The following GJC1 variants were observed in gnomAD, a reference collection of about 807,000 sequenced individuals.
GJC1 encodes gap junction gamma-1 protein.
In GJC1, 5 loss-of-function variants were observed where a neutral mutation model predicts 29.3. The ratio of observed to expected loss-of-function variants is 0.17; its 90% CI spans 0.09 to 0.36. The LOEUF is 0.36. Among genes scored for constraint, GJC1 ranks in the 10% least tolerant of loss-of-function variants. The pLI, the probability that GJC1 is intolerant of heterozygous loss-of-function variation, is 1.00. For missense variants in GJC1, 310 were observed against 496.2 expected (o/e 0.62, Z 3.56); for synonymous variants, 177 against 183.3 (o/e 0.97, Z 0.28).
At chr17:44,815,932 T>TA (rs1305430261) in intron 1 of GJC1, among the ~76,000 whole-genome samples, 1 of 151,572 alleles carries the variant, frequency 6.6e-6, no homozygotes, top group Non-Finnish European at 1.5e-5. Flanking sequence ...GCTAACAAGG[T>TA]GAAACCCCAT....
At chr17:44,797,327 C>T (rs919732715), downstream of GJC1, among the ~76,000 whole-genome samples, 2 of 152,176 alleles carry the variant, frequency 1.3e-5, no homozygotes, top group African/African-American at 4.8e-5. Context: ...AGAATGGACT[C>T]AATCTCCTGA....
At chr17:44,814,732 C>T (rs993089714) in intron 1 of GJC1, among the ~76,000 whole-genome samples, 3 of 152,088 alleles carry the variant, frequency 2.0e-5, no homozygotes, top group Non-Finnish European at 4.4e-5. Flanking sequence ...CACCTAAGGT[C>T]AGGAGTTCAA....
intron 1 of GJC1, among the ~76,000 whole-genome samples, chr17:44,808,335 C>T (rs1034792945): frequency 1.3e-5 from 2 of 151,872 alleles, no homozygotes; most frequent in African/African-American, 4.8e-5. Context: ...TAGTGAGACC[C>T]TATCTTTCCA....
chr17:44,817,695 A>T (rs139373719), intron 1 of GJC1, among the ~76,000 whole-genome samples: 1 of 151,958 alleles, frequency 6.6e-6, no homozygotes, highest in East Asian at 2.0e-4. Context: ...GGGCAACAAG[A>T]GTGAAACTCC....
rs1336504219 is a variant in GJC1 at position 44,799,292 on chromosome 17, G to A, written c.*5335C>T. On this transcript the variant is annotated 3_prime_UTR_variant, in exon 3 of 3. Coordinates refer to ENST00000592524, the MANE Select transcript of GJC1 (RefSeq NM_005497.4). ...GCGATCTCGGCTCACAGCAACCTCT[G>A]CCTTCCAGGTTCAAGGAAATCTCAT... The A allele has an allele frequency of 6.6e-6, 1 of 152,238 alleles. No individual in the cohort carries two copies. The highest frequency in any genetic ancestry group is 2.4e-5 in the African/African-American group (1 of 41,412). 9.4% of individuals were successfully genotyped at this position (152,238 alleles called of 1,614,324 possible). A position where few individuals can be genotyped will look rare whatever the true frequency, so the allele number is the denominator to read the frequency against.
chr17:44,812,864 G>A (rs1597748908), intron 1 of GJC1, among the ~76,000 whole-genome samples: 1 of 151,868 alleles, frequency 6.6e-6, no homozygotes, highest in East Asian at 1.9e-4. Flanking sequence ...AACCGGGATG[G>A]TCTCCATCTC....
At chr17:44,809,968 C>T (rs1668815740) in intron 1 of GJC1, among the ~76,000 whole-genome samples, 2 of 152,054 alleles carry the variant, frequency 1.3e-5, no homozygotes, top group Admixed American at 6.6e-5. Context: ...ACACCATTCT[C>T]CTGCCTCAGC....
chr17:44,813,583 C>A (rs2050009534), intron 1 of GJC1, among the ~76,000 whole-genome samples: 1 of 150,088 alleles, frequency 6.7e-6, no homozygotes, highest in Non-Finnish European at 1.5e-5. Flanking sequence ...GCCTCCATCT[C>A]CCGGGTTCAA....
At chr17:44,806,776 A>G (rs1404432290) in intron 2 of GJC1, among the ~76,000 whole-genome samples, 2 of 152,178 alleles carry the variant, frequency 1.3e-5, no homozygotes, top group Non-Finnish European at 2.9e-5. Flanking sequence ...AGGTATAGTT[A>G]TTCGGTCCAA....
At chr17:44,821,718 AAAAAAAAC>A (rs2050109506) in intron 1 of GJC1, among the ~76,000 whole-genome samples, 12 of 128,998 alleles carry the variant, frequency 9.3e-5, no homozygotes, top group South Asian at 5.0e-4. Context: ...AAAAAAAAAA[AAAAAAAAC>A]AACAAAAAAA....
intron 1 of GJC1, among the ~76,000 whole-genome samples, chr17:44,821,553 C>T (rs1057459697): frequency 6.6e-6 from 1 of 151,604 alleles, no homozygotes; most frequent in Admixed American, 6.6e-5. Flanking sequence ...ACAAAATTAG[C>T]GGGCGTGGTG....
downstream of GJC1, among the ~76,000 whole-genome samples, chr17:44,795,340 T>C (rs888623301): frequency 6.6e-6 from 1 of 150,844 alleles, no homozygotes; most frequent in African/African-American, 2.5e-5. Context: ...TTCAAACAAT[T>C]CTCTTGCCTC....
chr17:44,830,838 C>T, upstream of GJC1: 1 of 397,008 alleles, frequency 2.5e-6, no homozygotes, highest in Non-Finnish European at 4.4e-6. This position sits in a 1 kb window ranked among gnomAD's most constrained non-coding sequence, Gnocchi z 4.3. Flanking sequence ...AGGTCCTGAA[C>T]TTCTCGGATT....
chr17:44,795,406 G>A (rs2049777401), downstream of GJC1, among the ~76,000 whole-genome samples: 1 of 152,072 alleles, frequency 6.6e-6, no homozygotes, highest in African/African-American at 2.4e-5. Context: ...GCTAATTTTT[G>A]TATTTTTAGT....
At chr17:44,795,047 T>A (rs1287800876), downstream of GJC1, 1 of 152,174 alleles carries the variant, frequency 6.6e-6, no homozygotes, top group East Asian at 1.9e-4. Flanking sequence ...TGTCAGCAGC[T>A]CTTTTTCTGG....
downstream of GJC1, among the ~76,000 whole-genome samples, chr17:44,795,275 T>C (rs1432583601): frequency 6.6e-6 from 1 of 152,218 alleles, no homozygotes; most frequent in African/African-American, 2.4e-5. Flanking sequence ...TTACCCAGGC[T>C]GGAGTGCAGT....
chr17:44,806,740 G>T (rs2049918435), intron 2 of GJC1, among the ~76,000 whole-genome samples: 1 of 151,878 alleles, frequency 6.6e-6, no homozygotes, highest in Non-Finnish European at 1.5e-5. Context: ...TCAGAATTTT[G>T]TGAGATAGAA....
Position 44,805,718 on chromosome 17 carries a change from C to T in GJC1, c.100G>A (p.Val34Ile), listed in dbSNP as rs754085925. The T allele has an allele frequency of 4.3e-6, 7 of 1,613,832 alleles. No homozygotes were observed. The highest frequency in any genetic ancestry group is 5.1e-6 in the Non-Finnish European group (6 of 1,179,836). ...WLTVLIVFRI[V>I]LTAVGGESIY... ...GATTCTCCTCCTACAGCTGTAAGGA[C>T]GATCCGGAAGACAATCAGAACAGTG... The change falls in exon 3 of 3, where the codon GTC becomes ATC. Residue 34 changes from valine to isoleucine, a missense_variant. Around this residue, in one of 4 missense-constraint regions of GJC1, gnomAD observed 37 missense variants for 104.2 expected, o/e 0.35. Transcript: ENST00000592524. The surrounding 1 kb of genome is among the most constrained non-coding windows in gnomAD (Gnocchi z 5.1).
At chr17:44,813,649 C>T (rs1320147423) in intron 1 of GJC1, among the ~76,000 whole-genome samples, 1 of 151,910 alleles carries the variant, frequency 6.6e-6, no homozygotes, top group East Asian at 1.9e-4. Context: ...CACACCACCA[C>T]GCCCAACTAA....
Sources: allele counts gnomAD v4.1 joint callset (sites outside exome capture counted in the v4.1 genomes callset), GRCh38; gene constraint gnomAD v4.1.1; regional missense constraint gnomAD v4.1.1; non-coding constraint Gnocchi (gnomAD v3.1); transcripts MANE v1.5; gene names NCBI Gene and HGNC (gene_info 2026-07-23, HGNC 2026-07-21).